Variants in FBXW8 observed in about 807,000 individuals in gnomAD.
FBXW8 encodes the protein F-box/WD repeat-containing protein 8.
A neutral mutation model predicts 65.3 loss-of-function variants in FBXW8; 57 were observed. The observed-to-expected ratio is 0.87, with a 90% CI of 0.71 to 1.09. FBXW8 has a LOEUF of 1.09. Ranked by LOEUF, FBXW8 falls within the 50% of genes least tolerant of loss-of-function variation. FBXW8 has a pLI of 0.00. For missense variants in FBXW8, 777 were observed against 814.8 expected (o/e 0.95, Z 0.57); for synonymous variants, 308 against 330.2 (o/e 0.93, Z 0.73).
At chr12:117,019,140 GCT>G in intron 8 of FBXW8, among the ~76,000 whole-genome samples, 1 of 152,300 alleles carries the variant, frequency 6.6e-6, no homozygotes, top group Admixed American at 6.5e-5. Context: ...TCATCTTCAA[GCT>G]CTCTCTGCAT....
In FBXW8 at chr12:116,964,193, A is replaced by G. The variant is rs968067722; in HGVS notation, c.678-504A>G. Among the ~76,000 whole-genome samples the G allele has an allele frequency of 1.2e-4, 19 of 152,262 alleles. 1 individual carries two copies. The highest frequency in any genetic ancestry group is 1.9e-4 in the African/African-American group (8 of 41,468). On this transcript the variant is annotated intron_variant, in intron 4 of 10. Coordinates refer to ENST00000652555, the MANE Select transcript of FBXW8 (RefSeq NM_153348.3). ...AAGATTTAATTGTTTCAGCAAATCA[A>G]TTAGTCTTCAGGGACTTTAATCAGT...
Position 117,001,644 on chromosome 12 carries a change from T to C in FBXW8, c.1240-8679T>C, listed in dbSNP as rs117578297. Reference sequence around the variant, plus strand: ...TATTATAACCTTCTCTTGGTGATTATTTCCGTGTGTCAGTGTTCCTGGCAT... The same window carrying C: ...TATTATAACCTTCTCTTGGTGATTACTTCCGTGTGTCAGTGTTCCTGGCAT... On this transcript the variant is annotated intron_variant, in intron 7 of 10. Coordinates refer to ENST00000652555, the MANE Select transcript of FBXW8 (RefSeq NM_153348.3). Among the ~76,000 whole-genome samples the C allele has an allele frequency of 2.4e-3, 362 of 152,326 alleles. 1 individual carries two copies. Among genetic ancestry groups the C allele is most frequent in the Non-Finnish European group, 4.5e-3 (304 of 68,028 alleles).
At position 116,964,664 on chromosome 12, in the gene FBXW8, C is replaced by T. The variant is rs776473331; in HGVS notation, c.678-33C>T. The T allele has an allele frequency of 1.1e-5, 17 of 1,612,340 alleles. No homozygotes were observed. The African/African-American group carries it at 2.1e-4, about 20-fold the overall frequency. ...CCACCATAGCCCTGCTCTTCAATCTCCTTTTGGAACCAAGTGTGTCGTTCT... is the reference window on the plus strand; with the variant it reads ...CCACCATAGCCCTGCTCTTCAATCTTCTTTTGGAACCAAGTGTGTCGTTCT... On this transcript the variant is annotated intron_variant, in intron 4 of 10. Coordinates refer to ENST00000652555, the MANE Select transcript of FBXW8 (RefSeq NM_153348.3).
intron 2 of FBXW8, among the ~76,000 whole-genome samples, chr12:116,943,471 A>G (rs1882737078): frequency 1.3e-5 from 2 of 152,192 alleles, no homozygotes. Context: ...CTGCTTGGCT[A>G]GCTTAGTGGT....
rs565885823 is a variant in FBXW8 at position 116,936,281 on chromosome 12, C to T, written c.423+8154C>T. 3.3e-5 allele frequency among the ~76,000 whole-genome samples: 5 copies of T among 152,246 alleles called. No individual in the cohort carries two copies. The highest frequency in any genetic ancestry group is 2.1e-4 in the South Asian group (1 of 4,824). ...GCTGAAGCTCATCTGAGGCAGGGTG[C>T]GCCTGTTGTGTTTGAAGAACAGCAG... is the stretch of plus-strand genomic sequence containing the variant. On this transcript the variant is annotated intron_variant, in intron 2 of 10. Coordinates refer to ENST00000652555, the MANE Select transcript of FBXW8 (RefSeq NM_153348.3). The surrounding 1 kb of genome is among the most constrained non-coding windows in gnomAD (Gnocchi z 4.6).
chr12:117,020,075 C>CA (rs1954057638), intron 8 of FBXW8, among the ~76,000 whole-genome samples: 1 of 152,186 alleles, frequency 6.6e-6, no homozygotes, highest in Admixed American at 6.5e-5. Flanking sequence ...GCATGTCCCC[C>CA]AGCACACACC....
At chr12:116,979,757 A>G (rs1424235648) in intron 5 of FBXW8, among the ~76,000 whole-genome samples, 2 of 140,606 alleles carry the variant, frequency 1.4e-5, no homozygotes, top group African/African-American at 5.4e-5. Flanking sequence ...CTTCAGGATG[A>G]TGCCTGGTGC....
chr12:117,025,328 C>CA (rs1197787032), intron 9 of FBXW8, among the ~76,000 whole-genome samples: 1 of 152,180 alleles, frequency 6.6e-6, no homozygotes, highest in Non-Finnish European at 1.5e-5. Flanking sequence ...AATGAAACCC[C>CA]ATCTCTACAA....
Position 117,027,492 on chromosome 12 carries a change from C to T in FBXW8, c.1640C>T (p.Thr547Ile), listed in dbSNP as rs376159680. 2.5e-6 allele frequency: 4 copies of T among 1,614,026 alleles called. No homozygotes were observed. The South Asian group carries it at 4.4e-5, about 18-fold the overall frequency. The change falls in exon 10 of 11, where the codon ACT (threonine) becomes ATT (isoleucine). Residue 547 changes from threonine (T) to isoleucine (I), a missense_variant. Transcript: ENST00000652555. ...VMRNADLDSFTTHRRHRGLIR... is the reference protein window; with the variant it reads ...VMRNADLDSFITHRRHRGLIR... ...CGAAACGCCGACCTGGACAGCTTCA[C>T]TACTCACAGGAGGTTAGTGGTGGGG...
Position 117,028,368 on chromosome 12 carries a change from T to C in FBXW8, c.*196T>C. 1 of 669,048 alleles carries C rather than the reference T, an allele frequency of 1.5e-6. No individual in the cohort carries two copies. Among genetic ancestry groups the C allele is most frequent in the Non-Finnish European group, 2.5e-6 (1 of 403,386 alleles). The allele number at this position is 669,048 out of a possible 1,614,324, so 41.4% of individuals were successfully genotyped here. A position where few individuals can be genotyped will look rare whatever the true frequency, so the allele number is the denominator to read the frequency against. The stretch of plus-strand genomic sequence containing the variant: ...GGGGCAAGCTGGCGTGTGCCAGGGC[T>C]CGAGTCCCACGTGCTGCCAACTCAA... On this transcript the variant is annotated 3_prime_UTR_variant, in exon 11 of 11. Transcript: ENST00000652555. The surrounding 1 kb of genome is among the most constrained non-coding windows in gnomAD (Gnocchi z 4.1).
chr12:116,921,365 ATTG>A (rs919988434), intron 1 of FBXW8, among the ~76,000 whole-genome samples: 2 of 152,306 alleles, frequency 1.3e-5, no homozygotes, highest in African/African-American at 4.8e-5. Flanking sequence ...TAAGAGACGA[ATTG>A]TTTTTTTGTG....
At chr12:116,967,265 T>C (rs1273849206) in intron 5 of FBXW8, among the ~76,000 whole-genome samples, 1 of 152,178 alleles carries the variant, frequency 6.6e-6, no homozygotes, top group East Asian at 1.9e-4. Context: ...TACTGCATTA[T>C]GTGGCTGTAC....
chr12:117,029,437 C>CA lies in FBXW8; in HGVS notation c.*1266dup, dbSNP rs1954309625. 1 of 151,836 alleles carries CA rather than the reference C, an allele frequency of 6.6e-6. No homozygotes were observed. The highest frequency in any genetic ancestry group is 2.4e-5 in the African/African-American group (1 of 41,242). The allele number at this position is 151,836 out of a possible 1,614,324, so 9.4% of individuals were successfully genotyped here. A position where few individuals can be genotyped will look rare whatever the true frequency, so the allele number is the denominator to read the frequency against. Reference sequence around the variant, plus strand: ...CTCTAGACTGGGCTGACAGTAAAAGCACAGAATACAAAACCCAGGGGATGG... The same window carrying CA: ...CTCTAGACTGGGCTGACAGTAAAAGCAACAGAATACAAAACCCAGGGGATGG... On this transcript the variant is annotated 3_prime_UTR_variant, in exon 11 of 11. Transcript: ENST00000652555.
Position 116,933,190 on chromosome 12 carries a change from A to G in FBXW8, c.423+5063A>G, listed in dbSNP as rs547024638. On this transcript the variant is annotated intron_variant, in intron 2 of 10. Transcript: ENST00000652555. ...ACAAGAGTGTAGCTAAATGAGGCCA[A>G]TTCCTGGATTTCAGCCTGATGCTGT... Among the ~76,000 whole-genome samples, 95 of 152,362 alleles carry G rather than the reference A, an allele frequency of 6.2e-4. 1 individual carries two copies. The Middle Eastern group carries it at 0.01, about 16-fold the overall frequency.
intron 7 of FBXW8, among the ~76,000 whole-genome samples, chr12:117,007,031 A>G (rs969829822): frequency 5.4e-4 from 82 of 152,340 alleles, no homozygotes; most frequent in African/African-American, 1.8e-3. Context: ...AGAAAAGTCA[A>G]AGTATATATA....
chr12:117,009,003 C>T (rs1170717376), intron 7 of FBXW8, among the ~76,000 whole-genome samples: 1 of 152,084 alleles, frequency 6.6e-6, no homozygotes, highest in African/African-American at 2.4e-5. Context: ...GGAGGCGGAG[C>T]TTGCAGTGAG....
intron 10 of FBXW8, 59 bp downstream of exon 10, chr12:117,027,563 C>A: frequency 7.7e-7 from 1 of 1,304,538 alleles, no homozygotes; most frequent in Non-Finnish European, 1.1e-6. Context: ...GTATAGAACC[C>A]CACCCCCCCC....
At chr12:116,947,936 G>A (rs1026710938) in intron 3 of FBXW8, among the ~76,000 whole-genome samples, 2 of 152,106 alleles carry the variant, frequency 1.3e-5, no homozygotes, top group African/African-American at 4.8e-5. Flanking sequence ...GTGCTCAGGC[G>A]AGGTTGGCTG....
intron 8 of FBXW8, among the ~76,000 whole-genome samples, chr12:117,014,292 A>G (rs918340708): frequency 3.9e-5 from 6 of 152,126 alleles, no homozygotes; most frequent in Admixed American, 1.3e-4. Context: ...CTTTTTTTAT[A>G]TATAGTTTCT....
Sources: allele counts gnomAD v4.1 joint callset (sites outside exome capture counted in the v4.1 genomes callset), GRCh38; gene constraint gnomAD v4.1.1; non-coding constraint Gnocchi (gnomAD v3.1); transcripts MANE v1.5; gene names NCBI Gene and HGNC (gene_info 2026-07-23, HGNC 2026-07-21).